Variants in KLHL35 observed in about 807,000 individuals in gnomAD.
KLHL35 encodes kelch-like protein 35.
Under a neutral mutation model 44.0 loss-of-function variants are expected in KLHL35, and 50 were observed. The observed-to-expected ratio is 1.14, with a 90% confidence interval of 0.91 to 1.44. KLHL35 has a LOEUF of 1.44. KLHL35 is among the 40% of genes most tolerant of loss of function. The pLI, the probability that KLHL35 is intolerant of heterozygous loss-of-function variation, is 0.00. For synonymous variants in KLHL35, 470 were observed against 410.4 expected (o/e 1.15, Z -1.76); for missense variants, 1,049 against 887.8 (o/e 1.18, Z -2.31).
Position 75,423,810 on chromosome 11 carries a change from A to G in KLHL35, c.1445T>C (p.Leu482Pro). The change falls in exon 6 of 7, where the codon CTC becomes CCC. Residue 482 changes from leucine to proline, a missense_variant. Physicochemically the swap from Leu to Pro is moderately conservative, Grantham distance 98 (BLOSUM62 -3). Transcript: ENST00000539798. ...RSPAPFSQRC[L>P]EAVSLEDTIY... ...GGTGTCCTCAAGGGAGACAGCCTCGAGACACCGCTGTGAGAAGGGTGCTGG... is the reference window on the plus strand; with the variant it reads ...GGTGTCCTCAAGGGAGACAGCCTCGGGACACCGCTGTGAGAAGGGTGCTGG... 2 of 1,613,808 alleles carry G rather than the reference A, an allele frequency of 1.2e-6. No homozygotes were observed. Among genetic ancestry groups the G allele is most frequent in the East Asian group, 4.5e-5 (2 of 44,876 alleles).
In KLHL35 at chr11:75,425,669, T is replaced by C. The variant is rs1015893089; in HGVS notation, c.1186-88A>G. 2.5e-5 allele frequency: 30 copies of C among 1,192,812 alleles called. No individual in the cohort carries two copies. The African/African-American group carries it at 4.5e-4, about 18-fold the overall frequency. 73.9% of individuals were successfully genotyped at this position (1,192,812 alleles called of 1,614,324 possible). A position where few individuals can be genotyped will look rare whatever the true frequency, so the allele number is the denominator to read the frequency against. On this transcript the variant is annotated intron_variant, in intron 4 of 6. Transcript: ENST00000539798. ...GCTTCAGTCCTTACAGTCTTTGAGC[T>C]GGAAACTATCCCTGTCCCCAACCCA...
In KLHL35 at chr11:75,423,757, T is replaced by C; in HGVS notation, c.1498A>G (p.Lys500Glu). Residue 500 changes from lysine to glutamate, a missense_variant, in exon 6 of 7, where the codon AAA becomes GAA. Transcript: ENST00000539798. Reference protein sequence around the residue: ...TIYVMGGLMSKIFTYDPGTDV... With the variant: ...TIYVMGGLMSEIFTYDPGTDV... ...GTGCCTGGATCATAGGTGAAGATTT[T>C]GCTCATGAGACCCCCCATGACATAG... 6.2e-7 allele frequency: 1 copy of C among 1,613,886 alleles called. No individual in the cohort carries two copies.
rs1416847826 is a variant in KLHL35 at position 75,430,097 on chromosome 11, A to G, written c.533T>C (p.Leu178Pro). The G allele has an allele frequency of 1.5e-6, 2 of 1,333,474 alleles. No homozygotes were observed. The highest frequency in any genetic ancestry group is 3.9e-5 in the Admixed American group (1 of 25,872). The allele number at this position is 1,333,474 out of a possible 1,614,324, so 82.6% of individuals were successfully genotyped here. A position where few individuals can be genotyped will look rare whatever the true frequency, so the allele number is the denominator to read the frequency against. ...APLAERCGRVLRQAFAEVARH... is the reference protein window; with the variant it reads ...APLAERCGRVPRQAFAEVARH... ...CGCCACCTCGGCGAAGGCCTGACGC[A>G]GGACGCGGCCGCAGCGCTCGGCCAG... The change falls in exon 2 of 7, where the codon CTG becomes CCG. Residue 178 changes from leucine to proline, a missense_variant. Physicochemically the swap from Leu to Pro is moderately conservative, Grantham distance 98. Transcript: ENST00000539798.
intron 2 of KLHL35, 130 bp downstream of exon 2, chr11:75,429,619 G>A: frequency 1.7e-6 from 2 of 1,182,240 alleles, no homozygotes; most frequent in Middle Eastern, 3.0e-4. Context: ...TGGGCACCGA[G>A]CCTCTAAAAT....
At chr11:75,426,946 G>C in intron 3 of KLHL35, 1 of 256,662 alleles carries the variant, frequency 3.9e-6, no homozygotes, top group Non-Finnish European at 7.7e-6. Context: ...AGCAAAGAGG[G>C]GGCCGCTGTA....
In KLHL35 at chr11:75,430,234, C is replaced by T; in HGVS notation, c.396G>A (p.Arg132=). The T allele has an allele frequency of 8.2e-7, 1 of 1,218,552 alleles. No individual in the cohort carries two copies. The highest frequency in any genetic ancestry group is 1.6e-5 in the African/African-American group (1 of 62,066). 75.5% of individuals were successfully genotyped at this position (1,218,552 alleles called of 1,614,324 possible). A position where few individuals can be genotyped will look rare whatever the true frequency, so the allele number is the denominator to read the frequency against. ...EAAAVLALAE[R]LGVAGLREAC... is the part of the protein sequence containing the mutation. ...CCTCGCGCAGGCCCGCCACGCCCAGCCGCTCCGCCAGCGCCAGCACGGCCG... is the reference window on the plus strand; with the variant it reads ...CCTCGCGCAGGCCCGCCACGCCCAGTCGCTCCGCCAGCGCCAGCACGGCCG... Residue 132 remains arginine (R), a synonymous_variant, in exon 2 of 7, where the codon CGG becomes CGA. Transcript: ENST00000539798.
intron 5 of KLHL35, 193 bp from the exon 6 acceptor site, chr11:75,424,073 G>C: frequency 1.7e-6 from 1 of 579,020 alleles, no homozygotes; most frequent in Non-Finnish European, 3.1e-6. Context: ...TCTTCATCTA[G>C]TTCTATGTTC....
In KLHL35 at chr11:75,429,804, G is replaced by A; in HGVS notation, c.826C>T (p.Arg276Cys). ...TCGCGGCCCAGGATGAAGCAGGCGC[G>A]AGCCTCGAGCAGCAGCGGGCGGCAC... ...GECRPLLLEA[R>C]ACFILGREAG... Residue 276 changes from arginine (R) to cysteine (C), a missense_variant, in exon 2 of 7, where the codon CGC becomes TGC. Arg to Cys is a radical substitution (Grantham distance 180). Coordinates refer to ENST00000539798, the MANE Select transcript of KLHL35 (RefSeq NM_001039548.3). The A allele has an allele frequency of 2.0e-6, 3 of 1,511,554 alleles. No individual in the cohort carries two copies. Among genetic ancestry groups the A allele is most frequent in the South Asian group, 2.4e-5 (2 of 81,962 alleles). The allele number at this position is 1,511,554 out of a possible 1,614,324, so 93.6% of individuals were successfully genotyped here. A position where few individuals can be genotyped will look rare whatever the true frequency, so the allele number is the denominator to read the frequency against.
At chr11:75,432,011 G>A (rs1948541150) in intron 1 of KLHL35, among the ~76,000 whole-genome samples, 1 of 152,180 alleles carries the variant, frequency 6.6e-6, no homozygotes, top group African/African-American at 2.4e-5. Flanking sequence ...AGAAGTTTGC[G>A]GCGAGGCTCA....
intron 5 of KLHL35, chr11:75,424,385 T>C (rs568945987): frequency 2.7e-4 from 41 of 154,050 alleles, no homozygotes; most frequent in African/African-American, 9.4e-4. Context: ...CTCCCTTCTC[T>C]TTTCCTGGTG....
In KLHL35 at chr11:75,430,616, T is replaced by A; in HGVS notation, c.14A>T (p.His5Leu). MRQG[H>L]APEESEPGCE... ...GCCCGGCTCCGACTCCTCCGGCGCA[T>A]GGCCTTGCCGCATCCTGCCGGGGAG... The change falls in exon 2 of 7, where the codon CAT becomes CTT. Residue 5 changes from histidine to leucine, a missense_variant. His to Leu is a moderately conservative substitution (Grantham distance 99). Transcript: ENST00000539798. 4.3e-6 allele frequency: 6 copies of A among 1,397,300 alleles called. No homozygotes were observed. In the African/African-American group the frequency reaches 7.6e-5, roughly 18 times the overall value. 86.6% of individuals were successfully genotyped at this position (1,397,300 alleles called of 1,614,324 possible). A position where few individuals can be genotyped will look rare whatever the true frequency, so the allele number is the denominator to read the frequency against.
intron 5 of KLHL35, chr11:75,424,597 G>T (rs1484446912): frequency 1.3e-5 from 2 of 152,322 alleles, no homozygotes; most frequent in Non-Finnish European, 2.9e-5. Flanking sequence ...CATGGATGGT[G>T]TTAAATGGGG....
chr11:75,422,949 A>G, intron 6 of KLHL35, 181 bp from the exon 7 acceptor site: 2 of 604,988 alleles, frequency 3.3e-6, no homozygotes, highest in South Asian at 4.1e-5. Context: ...TATTCAGTGA[A>G]TGGCGTTAGG....
rs763547688 is a variant in KLHL35, at chr11:75,426,615, C to A, written c.1090G>T (p.Val364Leu). Residue 364 changes from valine (V) to leucine (L), a missense_variant, in exon 4 of 7, where the codon GTG (valine) becomes TTG (leucine). Transcript: ENST00000539798. ...VSGGHINSHD[V>L]WMFSSHLHTW... ...TGCAGATGGGAGCTAAACATCCACACATCATGACTGTTGATGTGGCCTCCT... is the reference window on the plus strand; with the variant it reads ...TGCAGATGGGAGCTAAACATCCACAAATCATGACTGTTGATGTGGCCTCCT... 6.2e-6 allele frequency: 10 copies of A among 1,602,976 alleles called. No homozygotes were observed. The highest frequency in any genetic ancestry group is 7.7e-6 in the Non-Finnish European group (9 of 1,175,878).
chr11:75,425,395 T>C lies in KLHL35; in HGVS notation c.1372A>G (p.Lys458Glu), dbSNP rs1210376245. The C allele has an allele frequency of 1.3e-6, 2 of 1,549,380 alleles. No individual in the cohort carries two copies. The highest frequency in any genetic ancestry group is 1.4e-5 in the African/African-American group (1 of 72,976). Residue 458 changes from lysine (K) to glutamate (E), a missense_variant and splice_region_variant, in exon 5 of 7, where the codon AAG becomes GAG. By Grantham distance (56) the Lys-to-Glu change is moderately conservative (BLOSUM62 1). Transcript: ENST00000539798. Reference sequence around the variant, plus strand: ...TCGCGCCTGAGGCCCACGCCCACCTTGTCCGTGTTGACGCCGCCCTGCCTG... The same window carrying C: ...TCGCGCCTGAGGCCCACGCCCACCTCGTCCGTGTTGACGCCGCCCTGCCTG... ...GARQGGVNTD[K>E]VQCFDPKEDR...
intron 1 of KLHL35, among the ~76,000 whole-genome samples, chr11:75,431,681 C>T (rs1237235210): frequency 3.9e-5 from 6 of 152,136 alleles, no homozygotes; most frequent in Non-Finnish European, 8.8e-5. Context: ...ACGGTGTGGC[C>T]GGGGCAAGTC....
In KLHL35 at chr11:75,423,682, C is replaced by T; in HGVS notation, c.1563+10G>A. On this transcript the variant is annotated intron_variant, in intron 6 of 6. Coordinates refer to ENST00000539798, the MANE Select transcript of KLHL35 (RefSeq NM_001039548.3). ...GGGTTCCGCTCTCCTGCCTTGAAGC[C>T]TCCACTTACCACAGGGCTGGGGAGG... 6.2e-7 allele frequency: 1 copy of T among 1,612,438 alleles called. No individual in the cohort carries two copies. The highest frequency in any genetic ancestry group is 8.5e-7 in the Non-Finnish European group (1 of 1,179,018).
chr11:75,430,598 T>C lies in KLHL35; in HGVS notation c.32A>G (p.Glu11Gly), dbSNP rs1325579564. 1 of 1,415,524 alleles carries C rather than the reference T, an allele frequency of 7.1e-7. No homozygotes were observed. The allele number at this position is 1,415,524 out of a possible 1,614,324, so 87.7% of individuals were successfully genotyped here. A position where few individuals can be genotyped will look rare whatever the true frequency, so the allele number is the denominator to read the frequency against. The change falls in exon 2 of 7, where the codon GAG becomes GGG. Residue 11 changes from glutamate to glycine, a missense_variant. Glu to Gly is a moderately conservative substitution (Grantham distance 98). Transcript: ENST00000539798. The part of the protein sequence containing the change: MRQGHAPEES[E>G]PGCEAPCAGP... The stretch of plus-strand genomic sequence containing the variant: ...CGCGCACGGCGCTTCGCAGCCCGGC[T>C]CCGACTCCTCCGGCGCATGGCCTTG...
In KLHL35 at chr11:75,428,494, G is replaced by C. The variant is rs764012816; in HGVS notation, c.1014C>G (p.Tyr338Ter). 3.7e-6 allele frequency: 6 copies of C among 1,612,594 alleles called. No homozygotes were observed. The highest frequency in any genetic ancestry group is 2.2e-5 in the South Asian group (2 of 91,090). ...CACAGGCGGCGAATTCTGAGCGAGT[G>C]TAGCCGGGCAGGCTGGGCAGTGGGG... ...RWTPLPSLPG[Y>*]TRSEFAACAL... Residue 338 changes from tyrosine to a stop codon, truncating the protein, a stop_gained, in exon 3 of 7, where the codon TAC becomes TAG. Coordinates refer to ENST00000539798, the MANE Select transcript of KLHL35 (RefSeq NM_001039548.3). LOFTEE classifies it high-confidence loss of function.
Sources: allele counts gnomAD v4.1 joint callset (sites outside exome capture counted in the v4.1 genomes callset), GRCh38; gene constraint gnomAD v4.1.1; transcripts MANE v1.5; gene names NCBI Gene and HGNC (gene_info 2026-07-23, HGNC 2026-07-21).